The following AVEN variants were observed in gnomAD, a reference collection of about 807,000 sequenced individuals.
AVEN encodes cell death regulator Aven.
AVEN carries 41 observed loss-of-function variants against 38.1 expected under a neutral mutation model. The ratio of observed to expected loss-of-function variants is 1.08; its 90% CI spans 0.84 to 1.40. The LOEUF is 1.40. Among genes scored for constraint, AVEN ranks in the 40% most tolerant of loss-of-function variants. The pLI, the probability that AVEN is intolerant of heterozygous loss-of-function variation, is 0.00. For missense variants in AVEN, 605 were observed against 438.8 expected, an observed-to-expected ratio of 1.38 and a Z score of -3.38; for synonymous variants, 206 against 171.8, an observed-to-expected ratio of 1.20 and a Z score of -1.56.
chr15:33,861,800 G>C (rs1888329799), downstream of AVEN, among the ~76,000 whole-genome samples: 3 of 151,962 alleles, frequency 2.0e-5, no homozygotes, highest in Non-Finnish European at 4.4e-5. Flanking sequence ...GGGCATGTCT[G>C]TTTTCATACT....
intron 2 of AVEN, among the ~76,000 whole-genome samples, chr15:33,949,817 A>G (rs866107426): frequency 2.0e-5 from 3 of 152,336 alleles, no homozygotes; most frequent in African/African-American, 7.2e-5. Context: ...AGGTTCCTCA[A>G]AATATTAAAA....
At chr15:34,019,967 A>G (rs1898127982) in intron 1 of AVEN, among the ~76,000 whole-genome samples, 1 of 152,242 alleles carries the variant, frequency 6.6e-6, no homozygotes, top group Admixed American at 6.5e-5. Context: ...TAATGCATAC[A>G]ACAAGTTCAA....
chr15:33,928,067 C>G (rs746905053), intron 2 of AVEN, among the ~76,000 whole-genome samples: 12 of 152,118 alleles, frequency 7.9e-5, no homozygotes, highest in Non-Finnish European at 1.3e-4. Flanking sequence ...CTAATCCATG[C>G]GAAACTTTTC....
At chr15:33,954,692 T>C (rs1002546365) in intron 2 of AVEN, among the ~76,000 whole-genome samples, 2 of 151,154 alleles carry the variant, frequency 1.3e-5, no homozygotes, top group African/African-American at 4.9e-5. Flanking sequence ...TTAGGAGATA[T>C]ACCTAATGTA....
intron 1 of AVEN, among the ~76,000 whole-genome samples, chr15:34,026,917 A>C (rs1898500231): frequency 6.6e-6 from 1 of 152,194 alleles, no homozygotes; most frequent in Admixed American, 6.5e-5. Context: ...AATAGAATTA[A>C]AGAGTGACAT....
At chr15:34,027,745 A>G (rs899507528) in intron 1 of AVEN, among the ~76,000 whole-genome samples, 1 of 151,206 alleles carries the variant, frequency 6.6e-6, no homozygotes, top group African/African-American at 2.4e-5. Context: ...AAACAGTCCT[A>G]TTACCAGAGA....
At chr15:33,900,930 T>C (rs592907) in intron 2 of AVEN, among the ~76,000 whole-genome samples, 133,883 of 152,136 alleles carry the variant, frequency 0.88, 60,478 homozygotes, top group Non-Finnish European at 0.98. Context: ...GAAATGTCTA[T>C]AGAGCACCCT....
intron 2 of AVEN, among the ~76,000 whole-genome samples, chr15:33,971,645 T>C (rs964963134): frequency 2.0e-5 from 3 of 152,080 alleles, no homozygotes; most frequent in African/African-American, 7.2e-5. Flanking sequence ...CATTGCATAA[T>C]ATTTTTAAAT....
chr15:33,940,896 T>C (rs1400123393), intron 2 of AVEN, among the ~76,000 whole-genome samples: 19 of 152,202 alleles, frequency 1.2e-4, no homozygotes, highest in African/African-American at 2.4e-5. Context: ...ATCTGAACCA[T>C]ACATACCTCC....
rs78383790 is a variant in AVEN at position 34,062,874 on chromosome 15, A to T, written n.1637+48T>A. Reference sequence around the variant, plus strand: ...CATTGTGGGCAATGTCTTGGTCATGATCTCCTTCAAAGTCAACAGCCAGCT... The same window carrying T: ...CATTGTGGGCAATGTCTTGGTCATGTTCTCCTTCAAAGTCAACAGCCAGCT... On this transcript the variant is annotated intron_variant and non_coding_transcript_variant, in intron 5 of 11. Coordinates refer to the AVEN transcript ENST00000675287. The T allele has an allele frequency of 2.5e-4, 408 of 1,614,148 alleles. 1 individual carries two copies. In the African/African-American group the frequency reaches 5.1e-3, roughly 20 times the overall value.
chr15:33,867,509 A>G lies in AVEN; in HGVS notation c.959T>C (p.Val320Ala), dbSNP rs958145815. The G allele has an allele frequency of 1.9e-6, 3 of 1,578,686 alleles. No homozygotes were observed. The African/African-American group carries it at 4.1e-5, about 21-fold the overall frequency. ...GAAAGCCATACCTTCTTCCTCTTGG[A>G]CCACCTCCCCATCTTCCTTGGATTT... Reference protein sequence around the residue: ...DLKSKEDGEVVQEEEVCAKPS... With the variant: ...DLKSKEDGEVAQEEEVCAKPS... The change falls in exon 5 of 6, where the codon GTC (valine) becomes GCC (alanine). Residue 320 changes from valine (V) to alanine (A), a missense_variant. Transcript: ENST00000306730.
At chr15:33,929,803 A>G (rs1483908482) in intron 2 of AVEN, among the ~76,000 whole-genome samples, 1 of 152,200 alleles carries the variant, frequency 6.6e-6, no homozygotes, top group Admixed American at 6.5e-5. Flanking sequence ...CAGTGTCCCT[A>G]AATACACATT....
downstream of AVEN, chr15:33,866,170 G>C (rs1890444177): frequency 5.8e-6 from 1 of 171,882 alleles, no homozygotes; most frequent in African/African-American, 2.4e-5. Flanking sequence ...GTGACTGCTG[G>C]GAAAGGGGAC....
chr15:33,945,215 G>A (rs1260433894), intron 2 of AVEN, among the ~76,000 whole-genome samples: 3 of 152,030 alleles, frequency 2.0e-5, no homozygotes, highest in Non-Finnish European at 2.9e-5. Flanking sequence ...GAGACATTTC[G>A]CTTATAAGAA....
chr15:33,873,976 C>T (rs1357883634), intron 3 of AVEN, among the ~76,000 whole-genome samples: 1 of 152,176 alleles, frequency 6.6e-6, no homozygotes, highest in African/African-American at 2.4e-5. Flanking sequence ...CTTTCCCATT[C>T]GTCCAACATC....
intron 1 of AVEN, among the ~76,000 whole-genome samples, chr15:34,028,401 T>C (rs1475455463): frequency 3.9e-5 from 6 of 151,946 alleles, no homozygotes; most frequent in Admixed American, 6.6e-5. Context: ...CCCGTCTCTA[T>C]AAAAATAAAA....
chr15:33,919,898 C>T (rs1893324672), intron 2 of AVEN, among the ~76,000 whole-genome samples: 1 of 152,154 alleles, frequency 6.6e-6, no homozygotes. Context: ...CCACAGAATA[C>T]ACACAAGCCT....
upstream of AVEN, among the ~76,000 whole-genome samples, chr15:34,043,650 T>C (rs1022306758): frequency 3.3e-5 from 5 of 152,182 alleles, no homozygotes; most frequent in Admixed American, 3.3e-4. Flanking sequence ...TCATAAGTCA[T>C]AAGGGTACTT....
intron 2 of AVEN, among the ~76,000 whole-genome samples, chr15:33,965,320 T>C (rs1567437405): frequency 6.6e-6 from 1 of 152,178 alleles, no homozygotes; most frequent in Non-Finnish European, 1.5e-5. Context: ...TCTCTTCATT[T>C]ATTAACTGAA....
Sources: allele counts gnomAD v4.1 joint callset (sites outside exome capture counted in the v4.1 genomes callset), GRCh38; gene constraint gnomAD v4.1.1; transcripts MANE v1.5; gene names NCBI Gene and HGNC (gene_info 2026-07-23, HGNC 2026-07-21).